Variants in PALMD observed in about 807,000 individuals in gnomAD.
PALMD encodes the protein palmdelphin, also known as paralemmin-like protein.
In PALMD, 42 loss-of-function variants were observed where a neutral mutation model predicts 56.2. That is an observed-to-expected ratio of 0.75 (90% CI 0.58 to 0.97). PALMD has a LOEUF of 0.97. Ranked by LOEUF, PALMD falls within the 50% of genes least tolerant of loss-of-function variation. The pLI is 0.00. For synonymous variants in PALMD, 242 were observed against 222.9 expected (o/e 1.09, Z -0.76); for missense variants, 660 against 643.8 (o/e 1.03, Z -0.27).
chr1:99,691,599 T>C (rs1465640909), intron 7 of PALMD, among the ~76,000 whole-genome samples: 1 of 152,148 alleles, frequency 6.6e-6, no homozygotes, highest in East Asian at 1.9e-4. Context: ...ATTTTTTAAG[T>C]AGGTTTTAAA....
At chr1:99,687,807 T>C (rs1653542408) in intron 6 of PALMD, among the ~76,000 whole-genome samples, 1 of 151,822 alleles carries the variant, frequency 6.6e-6, no homozygotes, top group African/African-American at 2.4e-5. Context: ...TGGTAGGGAG[T>C]GCAATACAGA....
intron 3 of PALMD, among the ~76,000 whole-genome samples, chr1:99,674,150 A>C (rs1299669086): frequency 6.6e-6 from 1 of 152,104 alleles, no homozygotes; most frequent in Non-Finnish European, 1.5e-5. Flanking sequence ...CCCTTCCTCC[A>C]TATGCCCTTT....
intron 3 of PALMD, chr1:99,669,004 A>T (rs1182118017): frequency 6.6e-6 from 1 of 152,222 alleles, no homozygotes; most frequent in African/African-American, 2.4e-5. Flanking sequence ...GCTATAATGT[A>T]TTGCCTTTAG....
chr1:99,675,211 T>C (rs1303021653), intron 3 of PALMD, among the ~76,000 whole-genome samples: 2 of 152,096 alleles, frequency 1.3e-5, no homozygotes, highest in African/African-American at 4.8e-5. Context: ...AAATAGAAAA[T>C]ATAGTGACTG....
chr1:99,664,836 C>G (rs1225128272), intron 2 of PALMD, among the ~76,000 whole-genome samples: 2 of 152,176 alleles, frequency 1.3e-5, no homozygotes, highest in Non-Finnish European at 2.9e-5. Context: ...TTCAGTGACA[C>G]ACATTAAACA....
chr1:99,648,981 T>C (rs149755017), intron 1 of PALMD, among the ~76,000 whole-genome samples: 1 of 152,178 alleles, frequency 6.6e-6, no homozygotes, highest in East Asian at 1.9e-4. Flanking sequence ...CGTGATGCCA[T>C]TCATTTCTCA....
intron 7 of PALMD, among the ~76,000 whole-genome samples, chr1:99,690,808 A>C (rs908270293): frequency 6.6e-6 from 1 of 152,184 alleles, no homozygotes; most frequent in Non-Finnish European, 1.5e-5. Context: ...AAGGATTCTC[A>C]TTAAAAAGCA....
At position 99,662,384 on chromosome 1, in the gene PALMD, G is replaced by C. The variant is rs1393918102; in HGVS notation, c.111G>C (p.Lys37Asn). The C allele has an allele frequency of 6.4e-7, 1 of 1,551,068 alleles. No homozygotes were observed. Among genetic ancestry groups the C allele is most frequent in the Non-Finnish European group, 8.8e-7 (1 of 1,131,398 alleles). ...KRLKIEEDKL[K>N]HQHLKKKALR... The stretch of plus-strand genomic sequence containing the variant: ...TGAAAATAGAGGAAGACAAACTAAA[G>C]CACCAGCATTTGAAGGTAATTTATG... The change falls in exon 2 of 8, where the codon AAG (lysine) becomes AAC (asparagine). Residue 37 changes from lysine to asparagine, a missense_variant. Lys to Asn is a moderately conservative substitution (Grantham distance 94). Coordinates refer to ENST00000263174, the MANE Select transcript of PALMD (RefSeq NM_017734.5).
chr1:99,671,511 G>A (rs1038468835), intron 3 of PALMD, among the ~76,000 whole-genome samples: 7 of 152,162 alleles, frequency 4.6e-5, no homozygotes, highest in Non-Finnish European at 5.9e-5. Flanking sequence ...TTACTAAAAG[G>A]TGAAATTAGA....
At chr1:99,657,202 A>T (rs1486398749) in intron 1 of PALMD, among the ~76,000 whole-genome samples, 1 of 152,048 alleles carries the variant, frequency 6.6e-6, no homozygotes, top group African/African-American at 2.4e-5. Context: ...ATCTCTCTCC[A>T]TCCAACATTC....
At position 99,683,032 on chromosome 1, in the gene PALMD, G is replaced by C. The variant is rs1653386500; in HGVS notation, c.252-3644G>C. Among the ~76,000 whole-genome samples, 2 of 12,212 alleles carry C rather than the reference G, an allele frequency of 1.6e-4. 1 individual carries two copies. The highest frequency in any genetic ancestry group is 1.2e-3 in the African/African-American group (2 of 1,708). 8.0% of individuals were successfully genotyped at this position (12,212 alleles called of 152,430 possible). On this transcript the variant is annotated intron_variant, in intron 3 of 7. Transcript: ENST00000263174. ...AAAAAGAAAGAAGGAAAGAAAGAAAGAAAGAAAGAAAGAAAGAAAGAAAGA... is the reference window on the plus strand; with the variant it reads ...AAAAAGAAAGAAGGAAAGAAAGAAACAAAGAAAGAAAGAAAGAAAGAAAGA...
At chr1:99,650,318 A>AAAAAAC in intron 1 of PALMD, among the ~76,000 whole-genome samples, 1 of 130,214 alleles carries the variant, frequency 7.7e-6, no homozygotes, top group Non-Finnish European at 1.6e-5. Context: ...AAAAAAAAAA[A>AAAAAAC]AGCTCTCACA....
chr1:99,689,718 A>G lies in PALMD; in HGVS notation c.1458A>G (p.Ser486=). ...CAACACCACTTCCTAGAAAAAGATC[A>G]GAAGCTAGTCCTCATGAAAACACAA... ...AKPTPLPRKR[S]EASPHENTNH... Residue 486 remains serine (S), a synonymous_variant, in exon 7 of 8, where the codon TCA becomes TCG. Coordinates refer to ENST00000263174, the MANE Select transcript of PALMD (RefSeq NM_017734.5). 1 of 1,613,908 alleles carries G rather than the reference A, an allele frequency of 6.2e-7. No homozygotes were observed. The highest frequency in any genetic ancestry group is 8.5e-7 in the Non-Finnish European group (1 of 1,179,894).
intron 1 of PALMD, among the ~76,000 whole-genome samples, chr1:99,646,731 T>A (rs1315388509): frequency 6.6e-5 from 10 of 152,374 alleles, no homozygotes; most frequent in African/African-American, 4.8e-5. Context: ...ACTTGGAAAC[T>A]TTTTTAAGCT....
Position 99,667,687 on chromosome 1 carries a change from G to A in PALMD, c.172G>A (p.Gly58Arg), listed in dbSNP as rs750623332. 27 of 1,612,790 alleles carry A rather than the reference G, an allele frequency of 1.7e-5. No individual in the cohort carries two copies. Among genetic ancestry groups the A allele is most frequent in the African/African-American group, 9.4e-5 (7 of 74,780 alleles). ...ATGGCTTCTAGATGGAATCAGCAGC[G>A]GAAAAGAACAGGAAGAGATGAAGAA... The part of the protein sequence containing the change: ...EKWLLDGISS[G>R]KEQEEMKKQN... Residue 58 changes from glycine to arginine, a missense_variant, in exon 3 of 8, where the codon GGA becomes AGA. By Grantham distance (125) the Gly-to-Arg change is moderately radical. Transcript: ENST00000263174.
chr1:99,678,375 G>A (rs146759111), intron 3 of PALMD, among the ~76,000 whole-genome samples: 1 of 152,202 alleles, frequency 6.6e-6, no homozygotes, highest in Non-Finnish European at 1.5e-5. Context: ...AAAGTGCTGG[G>A]ATTACAGGCC....
chr1:99,675,780 G>A (rs1437292627), intron 3 of PALMD, among the ~76,000 whole-genome samples: 1 of 152,146 alleles, frequency 6.6e-6, no homozygotes, highest in Non-Finnish European at 1.5e-5. Context: ...CATGGCAAAT[G>A]AAACCCTCAA....
intron 2 of PALMD, among the ~76,000 whole-genome samples, chr1:99,666,727 T>C (rs1343639461): frequency 2.0e-5 from 3 of 152,162 alleles, no homozygotes; most frequent in Admixed American, 1.3e-4. Context: ...AAACTTGAGC[T>C]CCTTGAAAAT....
chr1:99,690,291 A>G (rs2100877732), intron 7 of PALMD, among the ~76,000 whole-genome samples: 1 of 152,294 alleles, frequency 6.6e-6, no homozygotes, highest in East Asian at 1.9e-4. Flanking sequence ...ATTCTGCAAG[A>G]AAGTACAAGA....
Sources: gnomAD v4.1 joint callset for allele counts (sites outside exome capture counted in the v4.1 genomes callset) on GRCh38, gnomAD v4.1.1 for gene constraint, MANE v1.5 for transcripts, NCBI Gene and HGNC (gene_info 2026-07-23, HGNC 2026-07-21) for gene names.